PCDHGA4: variants seen among roughly 807,000 people sequenced by gnomAD.
PCDHGA4 encodes protocadherin gamma-A4.
In PCDHGA4, 38 loss-of-function variants were observed where a neutral mutation model predicts 54.6. The ratio of observed to expected loss-of-function variants is 0.70; its 90% CI spans 0.54 to 0.91. The LOEUF (loss-of-function observed/expected upper bound fraction) is 0.91, where lower values mean the gene tolerates loss of function less well. PCDHGA4 is among the 40% of genes least tolerant of loss of function. PCDHGA4 has a pLI of 0.00. For synonymous variants in PCDHGA4, 511 were observed against 512.9 expected, an observed-to-expected ratio of 1.00 and a Z score of 0.05; for missense variants, 1,298 against 1,220.9, an observed-to-expected ratio of 1.06 and a Z score of -0.94.
At chr5:141,430,586 C>G in intron 1 of PCDHGA4, 1 of 517,248 alleles carries the variant, frequency 1.9e-6, no homozygotes, top group Non-Finnish European at 3.1e-6. Context: ...TCCTGCTCGC[C>G]TTGCACGCGC....
At chr5:141,361,241 T>TA in intron 1 of PCDHGA4, 1 of 1,613,960 alleles carries the variant, frequency 6.2e-7, no homozygotes, top group South Asian at 1.1e-5. Context: ...ATCGCCTTGA[T>TA]AAAAACGAGA....
intron 1 of PCDHGA4, chr5:141,390,163 C>CG (rs780815400): frequency 1.2e-6 from 2 of 1,613,992 alleles, no homozygotes; most frequent in Admixed American, 1.7e-5. Context: ...ACAGGAAAGA[C>CG]GGAGTTTAAT....
At chr5:141,382,364 T>A (rs919179170) in intron 1 of PCDHGA4, among the ~76,000 whole-genome samples, 6 of 152,264 alleles carry the variant, frequency 3.9e-5, no homozygotes, top group African/African-American at 1.4e-4. Flanking sequence ...AAATAAAATT[T>A]ACCTTTTTGC....
intron 1 of PCDHGA4, chr5:141,410,053 C>T: frequency 6.2e-7 from 1 of 1,613,160 alleles, no homozygotes; most frequent in African/African-American, 1.3e-5. Context: ...CCGGACTCTT[C>T]AGCCTGGGGC....
At chr5:141,464,600 C>T (rs970370250) in intron 1 of PCDHGA4, among the ~76,000 whole-genome samples, 24 of 152,118 alleles carry the variant, frequency 1.6e-4, no homozygotes, top group Admixed American at 1.1e-3. Flanking sequence ...CCATAGTCTC[C>T]TTTGCAGAGT....
At chr5:141,395,889 G>A (rs1375818306) in intron 1 of PCDHGA4, 3 of 151,948 alleles carry the variant, frequency 2.0e-5, no homozygotes, top group African/African-American at 4.8e-5. Flanking sequence ...GTGGTCACCT[G>A]GGCTCCATGC....
chr5:141,415,147 C>T (rs779194230), intron 1 of PCDHGA4: 17 of 1,613,668 alleles, frequency 1.1e-5, no homozygotes, highest in African/African-American at 1.3e-5. Context: ...CCAGCCCCCT[C>T]TCTCCGCCAC....
At chr5:141,434,128 G>A (rs1267483739) in intron 1 of PCDHGA4, among the ~76,000 whole-genome samples, 1 of 152,138 alleles carries the variant, frequency 6.6e-6, no homozygotes, top group Non-Finnish European at 1.5e-5. Flanking sequence ...ACTCCCTTTA[G>A]GCTGATTTCT....
At chr5:141,389,823 G>C in intron 1 of PCDHGA4, 11 of 1,613,944 alleles carry the variant, frequency 6.8e-6, no homozygotes, top group Non-Finnish European at 6.8e-6. Flanking sequence ...CGTGCGTGAC[G>C]GTGGACAGCC....
chr5:141,438,631 TATATACACACAC>T (rs1290318462), intron 1 of PCDHGA4, among the ~76,000 whole-genome samples: 214 of 43,192 alleles, frequency 5.0e-3, no homozygotes, highest in Non-Finnish European at 6.1e-3. Flanking sequence ...TATATATATA[TATATACACACAC>T]ACACACACAT....
At position 141,476,001 on chromosome 5, in the gene PCDHGA4, C is replaced by G; in HGVS notation, c.2515-18806C>G. The G allele has an allele frequency of 8.1e-7, 1 of 1,235,348 alleles. No homozygotes were observed. Among genetic ancestry groups the G allele is most frequent in the Non-Finnish European group, 1.1e-6 (1 of 894,008 alleles). 76.5% of individuals were successfully genotyped at this position (1,235,348 alleles called of 1,614,324 possible). On this transcript the variant is annotated intron_variant, in intron 1 of 3. Transcript: ENST00000571252. The surrounding 1 kb of genome is among the most constrained non-coding windows in gnomAD (Gnocchi z 7.6). ...CAGCCGGCGAGCAAATCAACGGCATCCAGAAAGCCATGTCGGACTCGGCGC... is the reference window on the plus strand; with the variant it reads ...CAGCCGGCGAGCAAATCAACGGCATGCAGAAAGCCATGTCGGACTCGGCGC...
At chr5:141,363,845 A>G (rs922209204) in intron 1 of PCDHGA4, among the ~76,000 whole-genome samples, 1 of 152,250 alleles carries the variant, frequency 6.6e-6, no homozygotes. Flanking sequence ...TCCTAATTTA[A>G]TGGACTAAAT....
chr5:141,405,192 G>A (rs2154536235), intron 1 of PCDHGA4: 5 of 1,613,938 alleles, frequency 3.1e-6, no homozygotes, highest in East Asian at 2.2e-5. Context: ...GATGGGGTTC[G>A]AGCTTTCCTA....
intron 1 of PCDHGA4, among the ~76,000 whole-genome samples, chr5:141,444,472 C>T (rs559334960): frequency 2.1e-4 from 32 of 151,968 alleles, no homozygotes; most frequent in Admixed American, 1.5e-3. Flanking sequence ...CGCCCGGTCG[C>T]GTACTGGATT....
chr5:141,469,104 C>T (rs1046234848), intron 1 of PCDHGA4, among the ~76,000 whole-genome samples: 1 of 151,760 alleles, frequency 6.6e-6, no homozygotes, highest in Admixed American at 6.6e-5. Flanking sequence ...AAGCAAGAAC[C>T]TGTCTCTAAA....
chr5:141,372,172 C>T (rs1474578874), intron 1 of PCDHGA4: 17 of 1,613,604 alleles, frequency 1.1e-5, no homozygotes, highest in African/African-American at 4.0e-5. Context: ...AAGGTGGTGG[C>T]GGTGGACGCA....
At chr5:141,364,099 G>A in intron 1 of PCDHGA4, 1 of 407,086 alleles carries the variant, frequency 2.5e-6, no homozygotes, top group African/African-American at 2.1e-5. Context: ...ATTTGATGCA[G>A]TCACTGGTTA....
intron 1 of PCDHGA4, among the ~76,000 whole-genome samples, chr5:141,438,216 T>A (rs2097938802): frequency 6.6e-6 from 1 of 152,158 alleles, no homozygotes; most frequent in Non-Finnish European, 1.5e-5. Flanking sequence ...TGGGAAGGGC[T>A]CTGGTTCAGG....
chr5:141,489,042 A>T lies in PCDHGA4; in HGVS notation c.2515-5765A>T. On this transcript the variant is annotated intron_variant, in intron 1 of 3. Coordinates refer to ENST00000571252, the MANE Select transcript of PCDHGA4 (RefSeq NM_018917.4). This position sits in a 1 kb window ranked among gnomAD's most constrained non-coding sequence, Gnocchi z 4.5. ...TCTCCTCCTCCAGCTCCCCAGCTCCACTCAAATTCAGCTCCCCTCCCCCCT... is the reference window on the plus strand; with the variant it reads ...TCTCCTCCTCCAGCTCCCCAGCTCCTCTCAAATTCAGCTCCCCTCCCCCCT... The T allele has an allele frequency of 4.2e-6, 2 of 473,800 alleles. No individual in the cohort carries two copies. The highest frequency in any genetic ancestry group is 3.7e-6 in the Non-Finnish European group (1 of 270,920). 29.3% of individuals were successfully genotyped at this position (473,800 alleles called of 1,614,324 possible).
Sources: gnomAD v4.1 joint callset for allele counts (sites outside exome capture counted in the v4.1 genomes callset) on GRCh38, gnomAD v4.1.1 for gene constraint, Gnocchi (gnomAD v3.1) non-coding constraint, MANE v1.5 for transcripts, NCBI Gene and HGNC (gene_info 2026-07-23, HGNC 2026-07-21) for gene names.